The following PRR5 variants were observed in gnomAD, a reference collection of about 807,000 sequenced individuals.
PRR5 encodes the protein proline-rich protein 5.
Under a neutral mutation model 30.6 loss-of-function variants are expected in PRR5, and 25 were observed. The observed-to-expected ratio is 0.82, with a 90% CI of 0.60 to 1.14. The LOEUF is 1.14. Among genes scored for constraint, PRR5 ranks in the 50% most tolerant of loss-of-function variants. PRR5 has a pLI of 0.00. For synonymous variants in PRR5, 286 were observed against 247.1 expected (o/e 1.16, Z -1.48); for missense variants, 600 against 547.1 (o/e 1.10, Z -0.96).
At chr22:44,686,715 A>C (rs1260876175) in intron 1 of PRR5, among the ~76,000 whole-genome samples, 4 of 152,054 alleles carry the variant, frequency 2.6e-5, no homozygotes, top group Non-Finnish European at 5.9e-5. Context: ...GGGGTTTCAC[A>C]ATGTTGGTCA....
chr22:44,726,245 C>T (rs1920945034), intron 3 of PRR5, among the ~76,000 whole-genome samples: 1 of 152,240 alleles, frequency 6.6e-6, no homozygotes, highest in Admixed American at 6.5e-5. Context: ...TCAGAGTCAC[C>T]TCTTGATGCA....
At chr22:44,729,827 GAGC>G (rs1295179194) in intron 4 of PRR5, 2 of 985,358 alleles carry the variant, frequency 2.0e-6, no homozygotes, top group Non-Finnish European at 2.4e-6. Flanking sequence ...AGCCTGCGCT[GAGC>G]AGAACGCAGG....
chr22:44,736,236 C>T (rs1923228177), intron 7 of PRR5, among the ~76,000 whole-genome samples: 1 of 152,196 alleles, frequency 6.6e-6, no homozygotes, highest in African/African-American at 2.4e-5. Context: ...GCTACAGGCT[C>T]CCCGCATCCC....
At chr22:44,677,484 A>C (rs1023573777) in intron 1 of PRR5, among the ~76,000 whole-genome samples, 9 of 152,126 alleles carry the variant, frequency 5.9e-5, no homozygotes, top group African/African-American at 2.2e-4. Flanking sequence ...TGTGCTTTCG[A>C]TTTTTAGAGT....
chr22:44,737,049 C>T lies in PRR5; in HGVS notation c.969C>T (p.Tyr323=), dbSNP rs1923414006. The part of the protein sequence containing the change: ...PHSGPCPSRL[Y]PTTQPPEQGL... ...CAGGGCCCTGCCCCAGCAGACTGTA[C>T]CCCACGACCCAGCCCCCTGAGCAGG... is the stretch of plus-strand genomic sequence containing the variant. Residue 323 remains tyrosine (Y), a synonymous_variant, in exon 8 of 8, where the codon TAC becomes TAT. Coordinates refer to ENST00000336985, the MANE Select transcript of PRR5 (RefSeq NM_181333.4). 2 of 1,607,550 alleles carry T rather than the reference C, an allele frequency of 1.2e-6. No homozygotes were observed. The highest frequency in any genetic ancestry group is 1.6e-4 in the Middle Eastern group (1 of 6,066).
chr22:44,671,305 G>A (rs1282582351), intron 1 of PRR5, among the ~76,000 whole-genome samples: 3 of 152,248 alleles, frequency 2.0e-5, no homozygotes, highest in African/African-American at 7.2e-5. Flanking sequence ...TGGTTTAGCT[G>A]AACAAAGAGG....
intron 2 of PRR5, among the ~76,000 whole-genome samples, chr22:44,720,928 C>T (rs1444567902): frequency 2.6e-5 from 4 of 152,136 alleles, no homozygotes; most frequent in Non-Finnish European, 5.9e-5. Flanking sequence ...TCATTAGGGC[C>T]TCTCCGGGAT....
At chr22:44,705,659 C>T (rs1214250934) in intron 1 of PRR5, among the ~76,000 whole-genome samples, 1 of 152,068 alleles carries the variant, frequency 6.6e-6, no homozygotes, top group South Asian at 2.1e-4. Flanking sequence ...GAATCTTGCT[C>T]TGTCACCCAG....
At chr22:44,688,436 C>T (rs1405199565) in intron 1 of PRR5, among the ~76,000 whole-genome samples, 2 of 152,128 alleles carry the variant, frequency 1.3e-5, no homozygotes, top group Non-Finnish European at 2.9e-5. Flanking sequence ...TAGAGTGCAA[C>T]TAGTAGAGCA....
Position 44,736,752 on chromosome 22 carries a change from G to A in PRR5, c.692-20G>A. On this transcript the variant is annotated intron_variant, in intron 7 of 7. Transcript: ENST00000336985. ...GACCCAGGTGGCCTCTGGTGTGACA[G>A]TGCCCGTGTCTCTCCCCAGAAAAGC... The A allele has an allele frequency of 3.9e-6, 6 of 1,529,992 alleles. No homozygotes were observed. Among genetic ancestry groups the A allele is most frequent in the Non-Finnish European group, 5.3e-6 (6 of 1,135,166 alleles). 94.8% of individuals were successfully genotyped at this position (1,529,992 alleles called of 1,614,324 possible). A position where few individuals can be genotyped will look rare whatever the true frequency, so the allele number is the denominator to read the frequency against.
At chr22:44,675,828 G>A (rs1923722354), upstream of PRR5, among the ~76,000 whole-genome samples, 1 of 150,526 alleles carries the variant, frequency 6.6e-6, no homozygotes, top group South Asian at 2.1e-4. Flanking sequence ...TTAAATTGTG[G>A]ATCCTTGCAG....
At chr22:44,731,899 C>T (rs771827973) in intron 5 of PRR5, 78 bp downstream of exon 5, 125 of 1,449,506 alleles carry the variant, frequency 8.6e-5, no homozygotes, top group Non-Finnish European at 1.1e-4. Context: ...AGAGGGGGGC[C>T]GCCAGGCTTG....
intron 1 of PRR5, among the ~76,000 whole-genome samples, chr22:44,692,211 C>G (rs1442324948): frequency 6.9e-6 from 1 of 144,668 alleles, no homozygotes; most frequent in Non-Finnish European, 1.5e-5. Flanking sequence ...CCACGCTCCT[C>G]CACCAGGGGC....
rs373924360 is a variant in PRR5, at chr22:44,736,899, C to T, written c.819C>T (p.Ala273=). Reference sequence around the variant, plus strand: ...AGCACGAGGCGGAGGGCGCGGCGGCCGGCGGTACCAGCATCCGCAGGCACT... The same window carrying T: ...AGCACGAGGCGGAGGGCGCGGCGGCTGGCGGTACCAGCATCCGCAGGCACT... ...VQEHEAEGAA[A]GGTSIRRHSV... is the part of the protein sequence containing the mutation. Residue 273 remains alanine (A), a synonymous_variant, in exon 8 of 8, where the codon GCC becomes GCT. Transcript: ENST00000336985. The T allele has an allele frequency of 1.7e-5, 28 of 1,608,710 alleles. No homozygotes were observed. Among genetic ancestry groups the T allele is most frequent in the South Asian group, 6.6e-5 (6 of 90,998 alleles).
intron 4 of PRR5, chr22:44,731,461 C>G: frequency 1.9e-6 from 1 of 539,270 alleles, no homozygotes. Flanking sequence ...AGCCAAGTTC[C>G]CTGTGCCTTA....
chr22:44,678,768 A>G (rs1403732235), intron 1 of PRR5, among the ~76,000 whole-genome samples: 1 of 152,172 alleles, frequency 6.6e-6, no homozygotes, highest in Admixed American at 6.5e-5. Flanking sequence ...CTTGTCATAC[A>G]GAGCTTCTCT....
upstream of PRR5, chr22:44,702,067 G>A (rs1471993581): frequency 5.8e-5 from 10 of 173,900 alleles, no homozygotes; most frequent in African/African-American, 1.2e-4. Flanking sequence ...CTGCGGCCGC[G>A]GAGACGCCGG....
chr22:44,736,628 T>C, intron 7 of PRR5, 144 bp from the exon 8 acceptor site: 1 of 1,368,780 alleles, frequency 7.3e-7, no homozygotes, highest in South Asian at 1.7e-5. Flanking sequence ...CTTGTGGCGG[T>C]GGGACCTGCT....
intron 1 of PRR5, among the ~76,000 whole-genome samples, chr22:44,692,800 G>C (rs1356961100): frequency 6.6e-6 from 1 of 152,220 alleles, no homozygotes; most frequent in African/African-American, 2.4e-5. Context: ...CTGCAGAGCG[G>C]GGATGTTCCC....
Sources: gnomAD v4.1 joint callset for allele counts (sites outside exome capture counted in the v4.1 genomes callset) on GRCh38, gnomAD v4.1.1 for gene constraint, MANE v1.5 for transcripts, NCBI Gene and HGNC (gene_info 2026-07-23, HGNC 2026-07-21) for gene names.